The following ALKBH5 variants were observed in gnomAD, a reference collection of about 807,000 sequenced individuals.
The protein encoded by ALKBH5 is RNA demethylase ALKBH5.
In ALKBH5, 2 loss-of-function variants were observed where a neutral mutation model predicts 32.1. The observed-to-expected ratio is 0.06, with a 90% CI of 0.03 to 0.20. The LOEUF is 0.20. Ranked by LOEUF, ALKBH5 falls within the 10% of genes least tolerant of loss-of-function variation. The pLI, the probability that ALKBH5 is intolerant of heterozygous loss-of-function variation, is 1.00. For missense variants in ALKBH5, 352 were observed against 559.5 expected, an observed-to-expected ratio of 0.63 and a Z score of 3.74; for synonymous variants, 300 against 231.7, an observed-to-expected ratio of 1.29 and a Z score of -2.68.
In ALKBH5 at chr17:18,184,439, C is replaced by A. The variant is rs767011110; in HGVS notation, c.196C>A (p.Pro66Thr). 69 of 1,604,020 alleles carry A rather than the reference C, an allele frequency of 4.3e-5. No individual in the cohort carries two copies. In the African/African-American group the frequency reaches 8.3e-4, roughly 19 times the overall value. ...AKRKYQEDSD[P>T]ERSDYEEQQL... ...GCGCAAGTATCAGGAGGACTCGGAC[C>A]CCGAGCGCAGCGACTATGAGGAGCA... The change falls in exon 1 of 4, where the codon CCC (proline) becomes ACC (threonine). Residue 66 changes from proline (P) to threonine (T), a missense_variant. Pro to Thr is a conservative substitution (Grantham distance 38). This residue lies in a region of ALKBH5 where 144 missense variants were observed against 125.8 expected (regional missense o/e 1.14). Transcript: ENST00000399138.
At chr17:18,194,910 T>G (rs748815767) in intron 1 of ALKBH5, 45 bp from the exon 2 acceptor site, 87 of 1,589,154 alleles carry the variant, frequency 5.5e-5, no homozygotes, top group Non-Finnish European at 7.2e-5. Context: ...GAACTTTGGT[T>G]GTCTGTCTAC....
chr17:18,185,278 T>C (rs1228704813), intron 1 of ALKBH5, among the ~76,000 whole-genome samples: 1 of 152,158 alleles, frequency 6.6e-6, no homozygotes, highest in Admixed American at 6.5e-5. Flanking sequence ...AGCCATCTTT[T>C]CAGAAGGCTG....
chr17:18,201,929 T>A (rs2047243806), intron 2 of ALKBH5, among the ~76,000 whole-genome samples: 1 of 151,610 alleles, frequency 6.6e-6, no homozygotes, highest in African/African-American at 2.4e-5. Flanking sequence ...GCAGGAGGAT[T>A]GCTTGAGCCC....
Position 18,184,693 on chromosome 17 carries a change from C to T in ALKBH5, c.450C>T (p.Pro150=), listed in dbSNP as rs756287332. The T allele has an allele frequency of 5.0e-6, 8 of 1,612,584 alleles. No homozygotes were observed. In the Admixed American group the frequency reaches 5.0e-5, roughly 10 times the overall value. The change falls in exon 1 of 4, where the codon CCC becomes CCT. Residue 150 remains proline (P), a synonymous_variant. Coordinates refer to ENST00000399138, the MANE Select transcript of ALKBH5 (RefSeq NM_017758.4). ...GCGCCCAGCTGCAGAAGCGCGGGCCCGGCCAGGAGCGCCTCTACCCGCCGG... is the reference window on the plus strand; with the variant it reads ...GCGCCCAGCTGCAGAAGCGCGGGCCTGGCCAGGAGCGCCTCTACCCGCCGG... The part of the protein sequence containing the change: ...TYGAQLQKRG[P]GQERLYPPGD...
chr17:18,190,212 C>T (rs1387574189), intron 1 of ALKBH5, among the ~76,000 whole-genome samples: 1 of 152,160 alleles, frequency 6.6e-6, no homozygotes, highest in Non-Finnish European at 1.5e-5. Context: ...TTTCCAAGAC[C>T]GTCCCCTAGA....
intron 2 of ALKBH5, among the ~76,000 whole-genome samples, chr17:18,200,303 T>C (rs1334916970): frequency 1.3e-5 from 2 of 151,926 alleles, no homozygotes; most frequent in Non-Finnish European, 2.9e-5. Context: ...GGTCAACATT[T>C]GATTCTCAAG....
chr17:18,184,035 C>A lies in ALKBH5; in HGVS notation c.-209C>A, dbSNP rs760791927. The A allele has an allele frequency of 4.4e-6, 3 of 675,632 alleles. No individual in the cohort carries two copies. Among genetic ancestry groups the A allele is most frequent in the Admixed American group, 4.1e-5 (2 of 48,470 alleles). The allele number at this position is 675,632 out of a possible 1,614,324, so 41.9% of individuals were successfully genotyped here. A position where few individuals can be genotyped will look rare whatever the true frequency, so the allele number is the denominator to read the frequency against. On this transcript the variant is annotated 5_prime_UTR_variant, in exon 1 of 4. Coordinates refer to ENST00000399138, the MANE Select transcript of ALKBH5 (RefSeq NM_017758.4). ...GAGAAGGTGGAGGAGGAAGAAGCCC[C>A]GTTGTCGCCACCGTTGCATGACCCG... is the stretch of plus-strand genomic sequence containing the variant.
chr17:18,188,159 A>G (rs1481959854), intron 1 of ALKBH5, among the ~76,000 whole-genome samples: 1 of 152,214 alleles, frequency 6.6e-6, no homozygotes, highest in Non-Finnish European at 1.5e-5. Context: ...TTTTATCTTC[A>G]TATCACTTTA....
Position 18,208,942 on chromosome 17 carries a change from C to G in ALKBH5, c.*546C>G, listed in dbSNP as rs2047287918. 4.9e-6 allele frequency: 1 copy of G among 204,018 alleles called. No individual in the cohort carries two copies. Among genetic ancestry groups the G allele is most frequent in the Admixed American group, 5.4e-5 (1 of 18,616 alleles). The allele number at this position is 204,018 out of a possible 1,614,324, so 12.6% of individuals were successfully genotyped here. A position where few individuals can be genotyped will look rare whatever the true frequency, so the allele number is the denominator to read the frequency against. ...CTCATGCAAACACCCTTTCTTCCTC[C>G]TGCGGCAGAGTTGTTCAGGTTGCCT... On this transcript the variant is annotated 3_prime_UTR_variant, in exon 4 of 4. Transcript: ENST00000399138.
intron 2 of ALKBH5, among the ~76,000 whole-genome samples, chr17:18,198,450 G>C (rs969822307): frequency 6.6e-6 from 1 of 152,198 alleles, no homozygotes; most frequent in East Asian, 1.9e-4. Flanking sequence ...TTTAAAAAGG[G>C]GAGCATCTTG....
At chr17:18,204,409 C>T (rs1480293963) in intron 2 of ALKBH5, among the ~76,000 whole-genome samples, 1 of 149,834 alleles carries the variant, frequency 6.7e-6, no homozygotes, top group Non-Finnish European at 1.5e-5. Flanking sequence ...CAAGATCGTG[C>T]CAGTGCACTC....
At chr17:18,201,626 C>T (rs2047236533) in intron 2 of ALKBH5, among the ~76,000 whole-genome samples, 2 of 152,058 alleles carry the variant, frequency 1.3e-5, no homozygotes, top group Admixed American at 1.3e-4. Flanking sequence ...GGCGTGGTAG[C>T]ATGCATCTGT....
chr17:18,201,835 AGATGATAGATAGATTGATTGATT>A (rs1305133458), intron 2 of ALKBH5, among the ~76,000 whole-genome samples: 25 of 98,356 alleles, frequency 2.5e-4, no homozygotes, highest in Non-Finnish European at 3.9e-4. Context: ...ATAGATAGAT[AGATGATAGATAGATTGATTGATT>A]GATTTAAAAA....
In ALKBH5 at chr17:18,208,337, G is replaced by A. The variant is rs754991517; in HGVS notation, c.1126G>A (p.Glu376Lys). The A allele has an allele frequency of 1.4e-5, 22 of 1,614,106 alleles. No homozygotes were observed. The highest frequency in any genetic ancestry group is 1.9e-5 in the Non-Finnish European group (22 of 1,180,006). Residue 376 changes from glutamate (E) to lysine (K), a missense_variant, in exon 4 of 4, where the codon GAG becomes AAG. By Grantham distance (56) the Glu-to-Lys change is moderately conservative. Transcript: ENST00000399138. ...CTGGCGCAAGTCATACGAGTCCTCA[G>A]AGGACTGCTCTGAGGCAGCAGGCAG... ...NYWRKSYESS[E>K]DCSEAAGSPA...
Position 18,208,503 on chromosome 17 carries a change from TTTTTG to T in ALKBH5, c.*112_*116del. The T allele has an allele frequency of 7.9e-7, 1 of 1,264,010 alleles. No homozygotes were observed. The highest frequency in any genetic ancestry group is 1.1e-6 in the Non-Finnish European group (1 of 898,288). 78.3% of individuals were successfully genotyped at this position (1,264,010 alleles called of 1,614,324 possible). A position where few individuals can be genotyped will look rare whatever the true frequency, so the allele number is the denominator to read the frequency against. The stretch of plus-strand genomic sequence containing the variant: ...TCATTGGGGGGTTTTTGTTTTTTGT[TTTTTG>T]TTTTTTTTGATTCTATATATTTTTC... On this transcript the variant is annotated 3_prime_UTR_variant, in exon 4 of 4. Transcript: ENST00000399138.
Position 18,186,790 on chromosome 17 carries a change from G to A in ALKBH5, c.770+1777G>A, listed in dbSNP as rs78509988. ...CTGTGGTGTTAGTGTGGGAGGCTCA[G>A]CCATGTCCTGAAAAGTGCTGCCCCA... On this transcript the variant is annotated intron_variant, in intron 1 of 3. Coordinates refer to ENST00000399138, the MANE Select transcript of ALKBH5 (RefSeq NM_017758.4). Among the ~76,000 whole-genome samples the A allele has an allele frequency of 3.3e-5, 5 of 152,314 alleles. No homozygotes were observed. The East Asian group carries it at 9.6e-4, about 29-fold the overall frequency.
At chr17:18,190,563 A>G (rs12946842) in intron 1 of ALKBH5, among the ~76,000 whole-genome samples, 51,934 of 150,694 alleles carry the variant, frequency 0.34, 9,530 homozygotes, top group Non-Finnish European at 0.41. Flanking sequence ...AAAAAAAAAA[A>G]AAAAAAAAAT....
intron 2 of ALKBH5, among the ~76,000 whole-genome samples, chr17:18,201,476 G>A (rs1289483419): frequency 6.6e-6 from 1 of 152,196 alleles, no homozygotes; most frequent in Non-Finnish European, 1.5e-5. Flanking sequence ...AACTCTTCCT[G>A]GCTGGGTGCG....
At chr17:18,185,395 A>AT (rs11334462) in intron 1 of ALKBH5, among the ~76,000 whole-genome samples, 76 of 149,098 alleles carry the variant, frequency 5.1e-4, no homozygotes, top group South Asian at 1.9e-3. Flanking sequence ...ATGCTTTAAA[A>AT]TTTTTTTTTT....
Sources: allele counts gnomAD v4.1 joint callset (sites outside exome capture counted in the v4.1 genomes callset), GRCh38; gene constraint gnomAD v4.1.1; regional missense constraint gnomAD v4.1.1; transcripts MANE v1.5; gene names NCBI Gene and HGNC (gene_info 2026-07-23, HGNC 2026-07-21).